The following KCTD8 variants were observed in gnomAD, a reference collection of about 807,000 sequenced individuals.
KCTD8 encodes BTB/POZ domain-containing protein KCTD8.
In KCTD8, 27 loss-of-function variants were observed where a neutral mutation model predicts 31.5. The observed-to-expected ratio is 0.86, with a 90% CI of 0.63 to 1.18. The LOEUF is 1.18. Among genes scored for constraint, KCTD8 ranks in the 50% most tolerant of loss-of-function variants. The probability of loss-of-function intolerance (pLI) is 0.00; values close to 1 mark genes in which losing one functional copy is unlikely to be tolerated. For synonymous variants in KCTD8, 290 were observed against 280.0 expected, an observed-to-expected ratio of 1.04 and a Z score of -0.36; for missense variants, 658 against 647.7, an observed-to-expected ratio of 1.02 and a Z score of -0.17.
chr4:44,270,642 A>G (rs1012006387), intron 1 of KCTD8, among the ~76,000 whole-genome samples: 2 of 152,132 alleles, frequency 1.3e-5, no homozygotes, highest in African/African-American at 4.8e-5. Context: ...GGCTTTGGAT[A>G]ATTCTGTTGC....
At chr4:44,346,084 AT>A (rs1227612507) in intron 1 of KCTD8, among the ~76,000 whole-genome samples, 1 of 152,186 alleles carries the variant, frequency 6.6e-6, no homozygotes, top group Non-Finnish European at 1.5e-5. Context: ...CAGTATGAAT[AT>A]TGTTAGATCT....
intron 1 of KCTD8, among the ~76,000 whole-genome samples, chr4:44,427,558 C>T (rs1176506990): frequency 1.3e-5 from 2 of 151,512 alleles, no homozygotes; most frequent in African/African-American, 4.8e-5. Context: ...GATCTCTCTG[C>T]ACCAGAAATA....
rs111875586 is a variant in KCTD8 at position 44,412,889 on chromosome 4, G to A, written c.961+34674C>T. ...ATAATCTGCAGTTATTCAAAGAGTC[G>A]TTCCAAAACACAGAATAAAACAGAC... On this transcript the variant is annotated intron_variant, in intron 1 of 1. Coordinates refer to ENST00000360029, the MANE Select transcript of KCTD8 (RefSeq NM_198353.3). 7.4e-3 allele frequency among the ~76,000 whole-genome samples: 1,118 copies of A among 152,096 alleles called. 10 individuals are homozygous for A. Among genetic ancestry groups the A allele is most frequent in the African/African-American group, 0.025 (1,052 of 41,484 alleles).
At chr4:44,320,965 G>A (rs1718280020) in intron 1 of KCTD8, among the ~76,000 whole-genome samples, 1 of 152,176 alleles carries the variant, frequency 6.6e-6, no homozygotes, top group African/African-American at 2.4e-5. Flanking sequence ...TAGTGAAACT[G>A]GAAGGTGCCA....
At chr4:44,318,692 C>T (rs931661388) in intron 1 of KCTD8, among the ~76,000 whole-genome samples, 1 of 152,082 alleles carries the variant, frequency 6.6e-6, no homozygotes, top group Admixed American at 6.5e-5. Flanking sequence ...AAACAAGTAA[C>T]GTGAACACAT....
At chr4:44,363,165 T>C (rs939248264) in intron 1 of KCTD8, among the ~76,000 whole-genome samples, 1 of 152,150 alleles carries the variant, frequency 6.6e-6, no homozygotes, top group Non-Finnish European at 1.5e-5. Flanking sequence ...AAGTACGTTT[T>C]TGATCCCTGT....
chr4:44,349,208 T>C (rs1370581794), intron 1 of KCTD8, among the ~76,000 whole-genome samples: 3 of 151,750 alleles, frequency 2.0e-5, no homozygotes, highest in Non-Finnish European at 4.4e-5. Context: ...AAGTTAGGAG[T>C]GCATGTGGTT....
chr4:44,391,409 G>T (rs1041525366), intron 1 of KCTD8, among the ~76,000 whole-genome samples: 13 of 151,786 alleles, frequency 8.6e-5, no homozygotes, highest in Non-Finnish European at 1.8e-4. Flanking sequence ...CTGTCACCCA[G>T]GACAGCAAGA....
chr4:44,404,098 C>A (rs896820513), intron 1 of KCTD8, among the ~76,000 whole-genome samples: 1 of 152,086 alleles, frequency 6.6e-6, no homozygotes, highest in African/African-American at 2.4e-5. Context: ...TACAGAGTGT[C>A]AGAGTTCAAC....
At chr4:44,434,137 C>A (rs1721583839) in intron 1 of KCTD8, among the ~76,000 whole-genome samples, 1 of 151,870 alleles carries the variant, frequency 6.6e-6, no homozygotes, top group African/African-American at 2.4e-5. Flanking sequence ...TAGCAAAGCT[C>A]CCAAGCTCTC....
intron 1 of KCTD8, among the ~76,000 whole-genome samples, chr4:44,315,404 T>C (rs1186784079): frequency 1.3e-5 from 2 of 152,084 alleles, no homozygotes; most frequent in East Asian, 3.9e-4. Context: ...TAAACCACAG[T>C]GCATAATTTA....
At chr4:44,334,839 T>G (rs2109414721) in intron 1 of KCTD8, among the ~76,000 whole-genome samples, 1 of 152,278 alleles carries the variant, frequency 6.6e-6, no homozygotes, top group African/African-American at 2.4e-5. Context: ...GAAAGTTTGC[T>G]CAATTGCTTA....
chr4:44,276,274 T>C (rs1716748343), intron 1 of KCTD8, among the ~76,000 whole-genome samples: 1 of 152,062 alleles, frequency 6.6e-6, no homozygotes, highest in Admixed American at 6.6e-5. Context: ...AAACAGTTGC[T>C]ACAGGTTTCA....
intron 1 of KCTD8, among the ~76,000 whole-genome samples, chr4:44,241,003 AC>A (rs1432024204): frequency 6.6e-6 from 1 of 152,058 alleles, no homozygotes; most frequent in African/African-American, 2.4e-5. Flanking sequence ...TGAGACCAAA[AC>A]CCACACTTCA....
At chr4:44,288,523 C>T (rs1290853210) in intron 1 of KCTD8, among the ~76,000 whole-genome samples, 1 of 152,040 alleles carries the variant, frequency 6.6e-6, no homozygotes, top group East Asian at 1.9e-4. Flanking sequence ...GTTATAATTT[C>T]TGCTCTTTCA....
intron 1 of KCTD8, among the ~76,000 whole-genome samples, chr4:44,182,179 C>A (rs1713440735): frequency 6.6e-6 from 1 of 151,632 alleles, no homozygotes; most frequent in South Asian, 2.1e-4. Flanking sequence ...GGGGGGGCGC[C>A]TCCGCCTGGC....
intron 1 of KCTD8, among the ~76,000 whole-genome samples, chr4:44,404,941 T>C (rs1260429492): frequency 6.6e-6 from 1 of 152,148 alleles, no homozygotes; most frequent in Non-Finnish European, 1.5e-5. Context: ...ATTAGCAATA[T>C]TTGAAGTACA....
At chr4:44,423,431 T>C (rs549712611) in intron 1 of KCTD8, among the ~76,000 whole-genome samples, 1 of 152,272 alleles carries the variant, frequency 6.6e-6, no homozygotes, top group South Asian at 2.1e-4. Context: ...ACTGTCAAGA[T>C]ATCAGAGAAA....
At chr4:44,203,472 G>C (rs1298436004) in intron 1 of KCTD8, among the ~76,000 whole-genome samples, 1 of 139,406 alleles carries the variant, frequency 7.2e-6, no homozygotes, top group Non-Finnish European at 1.5e-5. Context: ...CCTGGGCTGG[G>C]CAACAAGAGC....
Sources: gnomAD v4.1 joint callset for allele counts (sites outside exome capture counted in the v4.1 genomes callset) on GRCh38, gnomAD v4.1.1 for gene constraint, MANE v1.5 for transcripts, NCBI Gene and HGNC (gene_info 2026-07-23, HGNC 2026-07-21) for gene names.